The following ABCB7 variants were observed in gnomAD, a reference collection of about 807,000 sequenced individuals.
ABCB7 encodes the protein iron-sulfur clusters transporter ABCB7, mitochondrial.
ABCB7 carries 7 observed loss-of-function variants against 54.4 expected under a neutral mutation model. That is an observed-to-expected ratio of 0.13 (90% CI 0.07 to 0.24). The LOEUF (loss-of-function observed/expected upper bound fraction) is 0.24. ABCB7 is among the 10% of genes least tolerant of loss of function. The pLI is 1.00. For missense variants in ABCB7, 356 were observed against 570.4 expected, an observed-to-expected ratio of 0.62 and a Z score of 3.83; for synonymous variants, 218 against 207.1, an observed-to-expected ratio of 1.05 and a Z score of -0.45.
intron 10 of ABCB7, 133 bp from the exon 11 acceptor site, chrX:75,069,587 T>G (rs1359415845): frequency 1.6e-6 from 1 of 635,300 alleles, no homozygotes; most frequent in Non-Finnish European, 2.4e-6. Flanking sequence ...CTTAGACCAC[T>G]TCCAAGCATG....
intron 1 of ABCB7, among the ~76,000 whole-genome samples, chrX:75,123,163 A>C (rs2081895385): frequency 9.0e-6 from 1 of 111,046 alleles, no homozygotes; most frequent in East Asian, 2.8e-4. Flanking sequence ...TTGAGGGTTT[A>C]AGGCTTATGT....
chrX:75,124,442 T>C (rs2081907471), intron 1 of ABCB7, among the ~76,000 whole-genome samples: 1 of 112,191 alleles, frequency 8.9e-6, no homozygotes, highest in Admixed American at 9.4e-5. Context: ...CATAACATTT[T>C]TGTCATCAAG....
intron 1 of ABCB7, among the ~76,000 whole-genome samples, chrX:75,116,318 C>T (rs1340901456): frequency 1.8e-5 from 2 of 108,853 alleles, no homozygotes; most frequent in Non-Finnish European, 3.8e-5. Flanking sequence ...CCAAGCCCCC[C>T]GCCCCCATTG....
chrX:75,086,478 T>C (rs2081498422), intron 4 of ABCB7, among the ~76,000 whole-genome samples: 2 of 111,992 alleles, frequency 1.8e-5, no homozygotes, highest in South Asian at 7.4e-4. Flanking sequence ...AGGAACCCAA[T>C]TCTTTCAGAC....
intron 1 of ABCB7, among the ~76,000 whole-genome samples, chrX:75,151,285 G>A (rs778255535): frequency 1.8e-5 from 2 of 111,117 alleles, no homozygotes; most frequent in South Asian, 7.6e-4. Context: ...AAGTCCCAGT[G>A]CCACTTTCCA....
At chrX:75,113,705 T>C (rs1258535093) in intron 2 of ABCB7, among the ~76,000 whole-genome samples, 1 of 111,715 alleles carries the variant, frequency 9.0e-6, no homozygotes, top group Non-Finnish European at 1.9e-5. Context: ...CACAGTTCTT[T>C]ACAAACACAA....
Position 75,075,474 on chromosome X carries a change from G to A in ABCB7, c.743C>T (p.Ala248Val). 1 of 1,211,199 alleles carries A rather than the reference G, an allele frequency of 8.3e-7. No individual in the cohort carries two copies. Among genetic ancestry groups the A allele is most frequent in the Non-Finnish European group, 1.1e-6 (1 of 895,185 alleles). ...TCCTCTGTCAATAGCCTTAGATAAA[G>A]CTCCCGTCTGTCTGCTCAGGTGAAA... ...LGFHLSRQTG[A>V]LSKAIDRGTR... The change falls in exon 6 of 16, where the codon GCT (alanine) becomes GTT (valine). Residue 248 changes from alanine (A) to valine (V), a missense_variant. By Grantham distance (64) the Ala-to-Val change is moderately conservative (BLOSUM62 0). This residue lies in a region of ABCB7 where 241 missense variants were observed against 470.9 expected (regional missense o/e 0.51). Coordinates refer to ENST00000373394, the MANE Select transcript of ABCB7 (RefSeq NM_001271696.3).
At chrX:75,076,710 G>A in intron 4 of ABCB7, 56 bp from the exon 5 acceptor site, 1 of 1,111,728 alleles carries the variant, frequency 9.0e-7, no homozygotes, top group Non-Finnish European at 1.2e-6. Context: ...ATTTATAAAA[G>A]TACAAATATT....
intron 1 of ABCB7, among the ~76,000 whole-genome samples, chrX:75,148,134 AAATAAAC>A (rs1213962490): frequency 2.7e-5 from 3 of 111,344 alleles, no homozygotes; most frequent in African/African-American, 9.9e-5. Context: ...AAAAAATAAA[AAATAAAC>A]AAATAAAATA....
chrX:75,051,304 C>A lies in ABCB7; in HGVS notation c.*2066G>T, dbSNP rs6647614. Among the ~76,000 whole-genome samples the A allele has an allele frequency of 0.012, 1,351 of 111,187 alleles. 22 individuals carry two copies. Among genetic ancestry groups the A allele is most frequent in the African/African-American group, 0.043 (1,305 of 30,597 alleles). On this transcript the variant is annotated 3_prime_UTR_variant, in exon 16 of 16. Coordinates refer to ENST00000373394, the MANE Select transcript of ABCB7 (RefSeq NM_001271696.3). ...TACCTTTATATAGCAAGAGTGGACACCTAAGTTAGATAAGTTCAGCTATCC... is the reference window on the plus strand; with the variant it reads ...TACCTTTATATAGCAAGAGTGGACAACTAAGTTAGATAAGTTCAGCTATCC...
intron 15 of ABCB7, among the ~76,000 whole-genome samples, chrX:75,055,463 T>C (rs2081229868): frequency 9.6e-6 from 1 of 104,346 alleles, no homozygotes; most frequent in South Asian, 4.5e-4. Context: ...TCCCAGTTCT[T>C]TGGGAGGCCG....
chrX:75,051,709 T>A lies in ABCB7; in HGVS notation c.*1661A>T, dbSNP rs1365470392. ...TGAAAAGTAAGGGAAGATCTTTTAA[T>A]AAATTCTGAAGTGTCAACACAGATT... On this transcript the variant is annotated 3_prime_UTR_variant, in exon 16 of 16. Transcript: ENST00000373394. 1 of 112,571 alleles carries A rather than the reference T, an allele frequency of 8.9e-6. No individual in the cohort carries two copies. The highest frequency in any genetic ancestry group is 2.8e-4 in the East Asian group (1 of 3,612). The allele number at this position is 112,571 out of a possible 1,213,427, so 9.3% of individuals were successfully genotyped here. A position where few individuals can be genotyped will look rare whatever the true frequency, so the allele number is the denominator to read the frequency against.
chrX:75,128,797 A>G (rs1012633087), intron 1 of ABCB7, among the ~76,000 whole-genome samples: 39 of 112,414 alleles, frequency 3.5e-4, no homozygotes, highest in African/African-American at 1.3e-3. Flanking sequence ...ATATGAAAAG[A>G]CACTTTTCAA....
chrX:75,103,713 T>C (rs1399303757), intron 3 of ABCB7, among the ~76,000 whole-genome samples: 3 of 110,791 alleles, frequency 2.7e-5, no homozygotes, highest in Non-Finnish European at 5.7e-5. Flanking sequence ...TAATCCTGAG[T>C]AATTTTTTTG....
chrX:75,085,940 G>A (rs952655728), intron 4 of ABCB7, among the ~76,000 whole-genome samples: 6 of 109,109 alleles, frequency 5.5e-5, no homozygotes, highest in Admixed American at 9.8e-5. Context: ...ATCGCCTCCT[G>A]TGTTCAAGTG....
chrX:75,069,114 A>C lies in ABCB7; in HGVS notation c.1552T>G (p.Leu518Val). 8.3e-7 allele frequency: 1 copy of C among 1,210,735 alleles called. No homozygotes were observed. The highest frequency in any genetic ancestry group is 1.1e-6 in the Non-Finnish European group (1 of 894,433). Reference sequence around the variant, plus strand: ...TTTTGAGGCTCATAGAAGCGAAATAATAGCCTCACTATTGTGCTTTTCCTG... The same window carrying C: ...TTTTGAGGCTCATAGAAGCGAAATACTAGCCTCACTATTGTGCTTTTCCTG... Reference protein sequence around the residue: ...GSGKSTIVRLLFRFYEPQKGS... With the variant: ...GSGKSTIVRLVFRFYEPQKGS... The change falls in exon 12 of 16, where the codon TTA (leucine) becomes GTA (valine). Residue 518 changes from leucine to valine, a missense_variant. Transcript: ENST00000373394.
At chrX:75,078,524 C>G (rs766387651) in intron 4 of ABCB7, among the ~76,000 whole-genome samples, 12 of 111,378 alleles carry the variant, frequency 1.1e-4, no homozygotes, top group African/African-American at 3.9e-4. Context: ...AATGTACAAA[C>G]CTTTTGTGAC....
At chrX:75,103,706 T>A (rs1296304961) in intron 3 of ABCB7, among the ~76,000 whole-genome samples, 2 of 110,062 alleles carry the variant, frequency 1.8e-5, no homozygotes, top group Non-Finnish European at 3.8e-5. Context: ...TTAGATTTAA[T>A]CCTGAGTAAT....
intron 1 of ABCB7, among the ~76,000 whole-genome samples, chrX:75,130,529 GA>G (rs1218983469): frequency 2.4e-4 from 27 of 112,571 alleles, no homozygotes; most frequent in Admixed American, 2.4e-3. Flanking sequence ...TGGTACCAGA[GA>G]AGGAAATATG....
Sources: gnomAD v4.1 joint callset for allele counts (sites outside exome capture counted in the v4.1 genomes callset) on GRCh38, gnomAD v4.1.1 for gene constraint, gnomAD v4.1.1 regional missense constraint, MANE v1.5 for transcripts, NCBI Gene and HGNC (gene_info 2026-07-23, HGNC 2026-07-21) for gene names.